Variants in HECW1 observed in about 807,000 individuals in gnomAD.
The protein encoded by HECW1 is E3 ubiquitin-protein ligase HECW1.
A neutral mutation model predicts 182.3 loss-of-function variants in HECW1; 61 were observed. The observed-to-expected ratio is 0.33, with a 90% CI of 0.27 to 0.41. HECW1 has a LOEUF of 0.41. Among genes scored for constraint, HECW1 ranks in the 10% least tolerant of loss-of-function variants. HECW1 has a pLI of 1.00. For synonymous variants in HECW1, 859 were observed against 832.6 expected (o/e 1.03, Z -0.55); for missense variants, 1,739 against 2,108.9 (o/e 0.82, Z 3.44).
chr7:43,231,011 C>A (rs1797834428), intron 2 of HECW1, among the ~76,000 whole-genome samples: 1 of 152,212 alleles, frequency 6.6e-6, no homozygotes, highest in African/African-American at 2.4e-5. Flanking sequence ...TCTGTCTGTT[C>A]TGTAGGGAAT....
At chr7:43,307,600 C>T (rs1258358384) in intron 3 of HECW1, among the ~76,000 whole-genome samples, 4 of 152,054 alleles carry the variant, frequency 2.6e-5, no homozygotes, top group Non-Finnish European at 5.9e-5. Context: ...ATCTATCTCC[C>T]ACAGTTCAGA....
In HECW1 at chr7:43,312,005, C is replaced by T. The variant is rs1808588839; in HGVS notation, c.270C>T (p.Ile90=). Residue 90 remains isoleucine (I), a synonymous_variant, in exon 4 of 30, where the codon ATC becomes ATT. Transcript: ENST00000395891. The stretch of plus-strand genomic sequence containing the variant: ...TGGTCAGCAGCTCCTACTATTCCAT[C>T]GGGCACTCTCAGGACCTGGTCATCC... The part of the protein sequence containing the change: ...TLMVSSSYYS[I]GHSQDLVIHW... 6.8e-6 allele frequency: 11 copies of T among 1,614,230 alleles called. No homozygotes were observed. The East Asian group carries it at 1.8e-4, about 26-fold the overall frequency.
intron 5 of HECW1, among the ~76,000 whole-genome samples, chr7:43,355,887 G>T (rs1584602807): frequency 6.6e-6 from 1 of 152,142 alleles, no homozygotes; most frequent in Non-Finnish European, 1.5e-5. Flanking sequence ...TACTCAGGAG[G>T]CTGAGGCAGG....
intron 2 of HECW1, among the ~76,000 whole-genome samples, chr7:43,202,736 C>T (rs573306160): frequency 6.6e-6 from 1 of 152,262 alleles, no homozygotes; most frequent in South Asian, 2.1e-4. Flanking sequence ...CAAGCTAAGC[C>T]ATCATATCCC....
intron 5 of HECW1, among the ~76,000 whole-genome samples, chr7:43,353,441 G>T (rs2152807453): frequency 6.6e-6 from 1 of 152,108 alleles, no homozygotes; most frequent in South Asian, 2.1e-4. Context: ...TTTCCAAAAG[G>T]GTAGTATAGA....
intron 3 of HECW1, among the ~76,000 whole-genome samples, chr7:43,290,696 C>T (rs17172192): frequency 0.049 from 7,397 of 152,276 alleles, 221 homozygotes; most frequent in African/African-American, 0.079. Context: ...GACGTCATAA[C>T]GTCCAGAGCC....
chr7:43,240,538 G>A (rs1455908033), intron 2 of HECW1, among the ~76,000 whole-genome samples: 1 of 152,162 alleles, frequency 6.6e-6, no homozygotes, highest in Non-Finnish European at 1.5e-5. Context: ...GAAGGGTAAC[G>A]TGCTTTCTAA....
chr7:43,130,515 T>G (rs1246929070), intron 2 of HECW1, among the ~76,000 whole-genome samples: 2 of 152,192 alleles, frequency 1.3e-5, no homozygotes, highest in Non-Finnish European at 2.9e-5. Context: ...GACTCAGAAT[T>G]TGTATGCTAC....
intron 2 of HECW1, among the ~76,000 whole-genome samples, chr7:43,123,220 A>G (rs992026335): frequency 6.6e-6 from 1 of 152,248 alleles, no homozygotes; most frequent in Non-Finnish European, 1.5e-5. Flanking sequence ...TTGTCTTTAC[A>G]GAGTGAGCTC....
chr7:43,505,778 C>G (rs544412558), intron 21 of HECW1, among the ~76,000 whole-genome samples: 197 of 152,344 alleles, frequency 1.3e-3, no homozygotes, highest in African/African-American at 4.4e-3. Context: ...CCCAGAGAAG[C>G]CTTCCCAGAC....
At chr7:43,537,516 A>G (rs2081219185) in intron 24 of HECW1, among the ~76,000 whole-genome samples, 1 of 151,976 alleles carries the variant, frequency 6.6e-6, no homozygotes, top group South Asian at 2.1e-4. Flanking sequence ...AATATACAAG[A>G]TAAATAAAGG....
At chr7:43,307,882 A>C (rs112522739) in intron 3 of HECW1, among the ~76,000 whole-genome samples, 2,142 of 98,832 alleles carry the variant, frequency 0.022, 54 homozygotes, top group African/African-American at 0.055. Flanking sequence ...TTCACTATAT[A>C]TATATATATA....
Position 43,488,441 on chromosome 7 carries a change from A to AAAGAAAGAAAGAAAG in HECW1, c.3235-3631_3235-3617dup, listed in dbSNP as rs1563045974. On this transcript the variant is annotated intron_variant, in intron 17 of 29. Coordinates refer to ENST00000395891, the MANE Select transcript of HECW1 (RefSeq NM_015052.5). Reference sequence around the variant, plus strand: ...GAGAGAGAAAGAAAGAAAGAGAAAGAAAGAAAGAAAGAAAGAAAGAAAGAA... The same window carrying AAAGAAAGAAAGAAAG: ...GAGAGAGAAAGAAAGAAAGAGAAAGAAAGAAAGAAAGAAAGAAGAAAGAAAGAAAGAAAGAAAGAA... Among the ~76,000 whole-genome samples the AAAGAAAGAAAGAAAG allele has an allele frequency of 4.6e-4, 59 of 127,764 alleles. 1 individual carries two copies. The highest frequency in any genetic ancestry group is 1.8e-3 in the African/African-American group (58 of 31,876). 83.8% of individuals were successfully genotyped at this position (127,764 alleles called of 152,430 possible).
At position 43,407,443 on chromosome 7, in the gene HECW1, T is replaced by C. The variant is rs1584795678; in HGVS notation, c.632-119T>C. On this transcript the variant is annotated intron_variant, in intron 7 of 29. Coordinates refer to ENST00000395891, the MANE Select transcript of HECW1 (RefSeq NM_015052.5). The stretch of plus-strand genomic sequence containing the variant: ...ACCCCAGCCTGTTTACCTGCCTGAG[T>C]AACACTAGAGATCTAGTTCATAAGG... The C allele has an allele frequency of 8.7e-6, 6 of 692,840 alleles. No homozygotes were observed. The East Asian group carries it at 1.7e-4, about 19-fold the overall frequency. The allele number at this position is 692,840 out of a possible 1,614,324, so 42.9% of individuals were successfully genotyped here. A position where few individuals can be genotyped will look rare whatever the true frequency, so the allele number is the denominator to read the frequency against.
chr7:43,164,652 G>A (rs1031324732), intron 2 of HECW1, among the ~76,000 whole-genome samples: 3 of 152,214 alleles, frequency 2.0e-5, no homozygotes, highest in African/African-American at 7.2e-5. Context: ...TGCATAGTGG[G>A]TGTGTTTCAG....
At chr7:43,264,579 C>G (rs149812206) in intron 3 of HECW1, among the ~76,000 whole-genome samples, 6 of 152,146 alleles carry the variant, frequency 3.9e-5, no homozygotes, top group Non-Finnish European at 8.8e-5. Flanking sequence ...GGCGCGGTGG[C>G]TCACGCCTGT....
At chr7:43,431,899 T>G (rs1584887940) in intron 8 of HECW1, among the ~76,000 whole-genome samples, 1 of 150,594 alleles carries the variant, frequency 6.6e-6, no homozygotes, top group African/African-American at 2.4e-5. Flanking sequence ...TTTTTTGAGA[T>G]GGAGTCTCAC....
intron 3 of HECW1, chr7:43,245,324 G>T (rs1456255612): frequency 1.3e-5 from 2 of 152,216 alleles, no homozygotes; most frequent in African/African-American, 4.8e-5. Flanking sequence ...CTAAGAGAAA[G>T]TTTCCATAGC....
At chr7:43,216,193 T>C (rs1366872768) in intron 2 of HECW1, among the ~76,000 whole-genome samples, 1 of 152,168 alleles carries the variant, frequency 6.6e-6, no homozygotes, top group Admixed American at 6.5e-5. Flanking sequence ...TCACCCAGGC[T>C]GGAGTGCAGT....
Sources: gnomAD v4.1 joint callset for allele counts (sites outside exome capture counted in the v4.1 genomes callset) on GRCh38, gnomAD v4.1.1 for gene constraint, MANE v1.5 for transcripts, NCBI Gene and HGNC (gene_info 2026-07-23, HGNC 2026-07-21) for gene names.